Variants in RIC8B observed in about 807,000 individuals in gnomAD.
The protein encoded by RIC8B is chaperone Ric-8B.
RIC8B carries 16 observed loss-of-function variants against 57.5 expected under a neutral mutation model. The observed-to-expected ratio is 0.28, with a 90% confidence interval of 0.19 to 0.42. RIC8B has a LOEUF of 0.42. Ranked by LOEUF, RIC8B falls within the 10% of genes least tolerant of loss-of-function variation. The pLI is 1.00. For synonymous variants in RIC8B, 216 were observed against 250.8 expected, an observed-to-expected ratio of 0.86 and a Z score of 1.31; for missense variants, 481 against 677.0, an observed-to-expected ratio of 0.71 and a Z score of 3.21.
intron 6 of RIC8B, among the ~76,000 whole-genome samples, chr12:106,846,684 C>A (rs1244352947): frequency 1.4e-5 from 2 of 144,604 alleles, no homozygotes. Context: ...CCAGGTACAC[C>A]TAAACTGTTT....
chr12:106,806,042 C>T (rs916920688), intron 2 of RIC8B, among the ~76,000 whole-genome samples: 7 of 152,250 alleles, frequency 4.6e-5, no homozygotes, highest in African/African-American at 1.2e-4. Context: ...CTCCACCTCC[C>T]GGGTTCAAGC....
chr12:106,871,774 G>A (rs1950442540), intron 9 of RIC8B, among the ~76,000 whole-genome samples: 1 of 152,104 alleles, frequency 6.6e-6, no homozygotes, highest in African/African-American at 2.4e-5. Flanking sequence ...CTTTTTCACA[G>A]TAACTGTGTA....
At chr12:106,777,083 A>G (rs1255687900) in intron 1 of RIC8B, among the ~76,000 whole-genome samples, 1 of 152,218 alleles carries the variant, frequency 6.6e-6, no homozygotes, top group Non-Finnish European at 1.5e-5. Context: ...GGCTGCTCTC[A>G]AACTGCTGGG....
intron 9 of RIC8B, chr12:106,871,490 AAAAAAAAAC>A (rs1311099520): frequency 1.4e-5 from 2 of 143,882 alleles, no homozygotes; most frequent in African/African-American, 2.6e-5. Flanking sequence ...AAAAAAAAAA[AAAAAAAAAC>A]CAAAAAACTC....
chr12:106,853,058 AAG>A (rs1215477909), intron 7 of RIC8B, among the ~76,000 whole-genome samples: 1 of 152,208 alleles, frequency 6.6e-6, no homozygotes, highest in African/African-American at 2.4e-5. Context: ...TCTGAGTAAT[AAG>A]AGAACTGGTG....
chr12:106,851,157 G>A (rs151280841), intron 6 of RIC8B, among the ~76,000 whole-genome samples: 4 of 152,226 alleles, frequency 2.6e-5, no homozygotes, highest in African/African-American at 9.6e-5. Context: ...GGCAAGTTGA[G>A]GCATTCCAGG....
At chr12:106,831,163 C>T (rs2046337894) in intron 4 of RIC8B, among the ~76,000 whole-genome samples, 1 of 152,200 alleles carries the variant, frequency 6.6e-6, no homozygotes, top group African/African-American at 2.4e-5. Context: ...TTAAAGCACT[C>T]AACCCTAGAT....
At chr12:106,830,946 C>T (rs995605997) in intron 4 of RIC8B, among the ~76,000 whole-genome samples, 4 of 152,106 alleles carry the variant, frequency 2.6e-5, no homozygotes, top group African/African-American at 9.7e-5. Flanking sequence ...ATTCAAAGGG[C>T]AATGTAAGTA....
At chr12:106,801,228 T>C (rs2044717817) in intron 2 of RIC8B, among the ~76,000 whole-genome samples, 1 of 152,210 alleles carries the variant, frequency 6.6e-6, no homozygotes, top group African/African-American at 2.4e-5. Context: ...GGCTTGTAAG[T>C]GGAAGCTTAT....
intron 6 of RIC8B, among the ~76,000 whole-genome samples, chr12:106,849,017 T>C (rs1051804547): frequency 1.3e-5 from 2 of 151,778 alleles, no homozygotes; most frequent in Non-Finnish European, 2.9e-5. Flanking sequence ...GGCTAATGGG[T>C]ACAAAAATGT....
intron 4 of RIC8B, among the ~76,000 whole-genome samples, chr12:106,835,217 TA>T (rs1241494082): frequency 6.6e-6 from 1 of 152,108 alleles, no homozygotes; most frequent in East Asian, 1.9e-4. Flanking sequence ...TACCTTATCA[TA>T]ACATACAAGA....
intron 6 of RIC8B, among the ~76,000 whole-genome samples, chr12:106,847,398 A>G (rs568069080): frequency 6.6e-6 from 1 of 152,294 alleles, no homozygotes; most frequent in East Asian, 1.9e-4. Context: ...CTATAGACAT[A>G]TACTACATGA....
intron 4 of RIC8B, 59 bp from the exon 5 acceptor site, chr12:106,842,530 G>T (rs534237794): frequency 7.5e-7 from 1 of 1,331,726 alleles, no homozygotes. Flanking sequence ...TATTATGTTT[G>T]CATTTTAAAG....
chr12:106,827,957 C>T (rs1183023796), intron 4 of RIC8B, among the ~76,000 whole-genome samples: 3 of 151,982 alleles, frequency 2.0e-5, no homozygotes, highest in African/African-American at 7.3e-5. Context: ...AAGATTTCTC[C>T]GAATAATGAA....
intron 2 of RIC8B, among the ~76,000 whole-genome samples, chr12:106,804,099 G>A (rs961431688): frequency 6.6e-6 from 1 of 152,146 alleles, no homozygotes; most frequent in Non-Finnish European, 1.5e-5. Context: ...GGCATGTGTG[G>A]TGTAGTTACA....
At chr12:106,846,629 T>C (rs1252728635) in intron 6 of RIC8B, among the ~76,000 whole-genome samples, 1 of 151,166 alleles carries the variant, frequency 6.6e-6, no homozygotes, top group East Asian at 1.9e-4. Flanking sequence ...GCACAGTAAA[T>C]GAAAATACTT....
chr12:106,831,600 A>C (rs1471500296), intron 4 of RIC8B, among the ~76,000 whole-genome samples: 1 of 152,232 alleles, frequency 6.6e-6, no homozygotes, highest in Non-Finnish European at 1.5e-5. Context: ...GCCTTCAAAT[A>C]CATCTTAGCA....
chr12:106,807,960 C>T (rs2045122255), intron 2 of RIC8B, among the ~76,000 whole-genome samples: 1 of 151,890 alleles, frequency 6.6e-6, no homozygotes, highest in African/African-American at 2.4e-5. Context: ...TGGCACGTGT[C>T]TGTAATCCCA....
At chr12:106,839,949 TCAAGGCTG>T (rs1292882725) in intron 4 of RIC8B, among the ~76,000 whole-genome samples, 1 of 152,002 alleles carries the variant, frequency 6.6e-6, no homozygotes, top group Non-Finnish European at 1.5e-5. Context: ...GCCCGGGAAG[TCAAGGCTG>T]CAGTGAGCCA....
Sources: allele counts gnomAD v4.1 joint callset (sites outside exome capture counted in the v4.1 genomes callset), GRCh38; gene constraint gnomAD v4.1.1; transcripts MANE v1.5; gene names NCBI Gene and HGNC (gene_info 2026-07-23, HGNC 2026-07-21).